The following COL5A1 variants were observed in gnomAD, a reference collection of about 807,000 sequenced individuals.
COL5A1 encodes the protein collagen alpha-1(V) chain.
A neutral mutation model predicts 263.7 loss-of-function variants in COL5A1; 16 were observed. The observed-to-expected ratio is 0.06, with a 90% confidence interval of 0.04 to 0.09. COL5A1 has a LOEUF of 0.09. Ranked by LOEUF, COL5A1 falls within the 10% of genes least tolerant of loss-of-function variation. The pLI is 1.00. For synonymous variants in COL5A1, 1,012 were observed against 1,004.5 expected (o/e 1.01, Z -0.14); for missense variants, 2,036 against 2,540.5 (o/e 0.80, Z 4.27).
Position 134,789,224 on chromosome 9 carries a change from C to A in COL5A1, c.2700+16C>A. 1.2e-6 allele frequency: 2 copies of A among 1,611,200 alleles called. No individual in the cohort carries two copies. The highest frequency in any genetic ancestry group is 1.7e-6 in the Non-Finnish European group (2 of 1,178,778). On this transcript the variant is annotated intron_variant, in intron 32 of 65. Transcript: ENST00000371817. This position sits in a 1 kb window ranked among gnomAD's most constrained non-coding sequence, Gnocchi z 4.8. ...GGGCGGCAGGGTAAGGATAGCCTGG[C>A]CCCTGGGCAGGCAGCTTGTTCGGCT...
chr9:134,748,122 T>G (rs1170068417), intron 11 of COL5A1, among the ~76,000 whole-genome samples: 1 of 148,044 alleles, frequency 6.8e-6, no homozygotes, highest in Non-Finnish European at 1.5e-5. Context: ...TACACAGACA[T>G]GCATCCACAC....
At position 134,842,222 on chromosome 9, in the gene COL5A1, C is replaced by T. The variant is rs140744620; in HGVS notation, c.5436C>T (p.Ile1812=). ...CCCCCAAAGTGGAGCAGGTGCCCAT[C>T]GTGGACATCATGTTCAATGACTTCG... The part of the protein sequence containing the change: ...IDTPKVEQVP[I]VDIMFNDFGE... The change falls in exon 66 of 66, where the codon ATC becomes ATT. Residue 1812 remains isoleucine (I), a synonymous_variant. Coordinates refer to ENST00000371817, the MANE Select transcript of COL5A1 (RefSeq NM_000093.5). The surrounding 1 kb of genome is among the most constrained non-coding windows in gnomAD (Gnocchi z 5.8). 20 of 1,614,088 alleles carry T rather than the reference C, an allele frequency of 1.2e-5. No homozygotes were observed. The highest frequency in any genetic ancestry group is 4.0e-5 in the African/African-American group (3 of 74,928).
At chr9:134,702,925 G>A (rs951552271) in intron 4 of COL5A1, among the ~76,000 whole-genome samples, 1 of 152,254 alleles carries the variant, frequency 6.6e-6, no homozygotes, top group Non-Finnish European at 1.5e-5. Flanking sequence ...GCAGCGCACT[G>A]TCTCCCTTAT....
At chr9:134,692,791 C>T (rs1273537021) in intron 2 of COL5A1, among the ~76,000 whole-genome samples, 1 of 152,134 alleles carries the variant, frequency 6.6e-6, no homozygotes, top group Non-Finnish European at 1.5e-5. Context: ...AATCTAGGAT[C>T]AGCTGGGCGC....
At chr9:134,685,452 C>A (rs1416894576) in intron 1 of COL5A1, among the ~76,000 whole-genome samples, 1 of 15,626 alleles carries the variant, frequency 6.4e-5, no homozygotes, top group African/African-American at 2.0e-4. Flanking sequence ...TGTCCATCAT[C>A]CATCCATCCA....
At chr9:134,793,662 G>A (rs1164048518) in intron 32 of COL5A1, among the ~76,000 whole-genome samples, 2 of 152,134 alleles carry the variant, frequency 1.3e-5, no homozygotes, top group African/African-American at 4.8e-5. Flanking sequence ...GGGAGGATGG[G>A]AATGAGTAAA....
At chr9:134,778,751 C>T (rs766456862) in intron 27 of COL5A1, among the ~76,000 whole-genome samples, 6 of 152,252 alleles carry the variant, frequency 3.9e-5, no homozygotes, top group Admixed American at 6.5e-5. Flanking sequence ...GCAGACATGA[C>T]TTCAGCAATG....
rs754237329 is a variant in COL5A1, at chr9:134,815,898, C to G, written c.4069-37C>G. On this transcript the variant is annotated intron_variant, in intron 51 of 65. Coordinates refer to ENST00000371817, the MANE Select transcript of COL5A1 (RefSeq NM_000093.5). Reference sequence around the variant, plus strand: ...CTGGTGCATGAACTCAGGGTGCCATCCGGGGTTCAGCAAGGAGCTCGCTTT... The same window carrying G: ...CTGGTGCATGAACTCAGGGTGCCATGCGGGGTTCAGCAAGGAGCTCGCTTT... 3.1e-6 allele frequency: 5 copies of G among 1,612,854 alleles called. No individual in the cohort carries two copies. In the African/African-American group the frequency reaches 6.7e-5, roughly 22 times the overall value.
At chr9:134,753,517 C>A (rs897393690) in intron 14 of COL5A1, among the ~76,000 whole-genome samples, 2 of 152,326 alleles carry the variant, frequency 1.3e-5, no homozygotes, top group East Asian at 1.9e-4. Context: ...CAGGTGCATA[C>A]GCTGCTCGAA....
intron 29 of COL5A1, among the ~76,000 whole-genome samples, chr9:134,783,900 T>A (rs1837356447): frequency 6.6e-6 from 1 of 152,222 alleles, no homozygotes; most frequent in African/African-American, 2.4e-5. Flanking sequence ...AAAGTCCTTT[T>A]CTCCTCCTTT....
At position 134,818,496 on chromosome 9, in the gene COL5A1, G is replaced by C. The variant is rs889536488; in HGVS notation, c.4231-160G>C. On this transcript the variant is annotated intron_variant, in intron 54 of 65. Transcript: ENST00000371817. This position sits in a 1 kb window ranked among gnomAD's most constrained non-coding sequence, Gnocchi z 6.0. ...TCGGGATGGAGACTTGACCAGGGCA[G>C]CTTCCACAGGCAATGAAATGTGGAG... is the stretch of plus-strand genomic sequence containing the variant. Among the ~76,000 whole-genome samples the C allele has an allele frequency of 1.3e-5, 2 of 152,198 alleles. No homozygotes were observed. The highest frequency in any genetic ancestry group is 2.9e-5 in the Non-Finnish European group (2 of 68,038).
intron 37 of COL5A1, among the ~76,000 whole-genome samples, chr9:134,799,403 G>A (rs972166794): frequency 6.6e-6 from 1 of 152,194 alleles, no homozygotes; most frequent in Non-Finnish European, 1.5e-5. Flanking sequence ...TCGTCACCAC[G>A]CTGTGTTCCT....
rs1031799121 is a variant in COL5A1, at chr9:134,818,439, G to A, written c.4231-217G>A. 2.6e-5 allele frequency among the ~76,000 whole-genome samples: 4 copies of A among 152,210 alleles called. No individual in the cohort carries two copies. Among genetic ancestry groups the A allele is most frequent in the South Asian group, 2.1e-4 (1 of 4,832 alleles). The stretch of plus-strand genomic sequence containing the variant: ...CCGGTCTGTGGTCGGCGCAGTCAGC[G>A]GAGACGGGATCCCTGCTGGCCTGGG... On this transcript the variant is annotated intron_variant, in intron 54 of 65. Coordinates refer to ENST00000371817, the MANE Select transcript of COL5A1 (RefSeq NM_000093.5). This position sits in a 1 kb window ranked among gnomAD's most constrained non-coding sequence, Gnocchi z 6.0.
intron 63 of COL5A1, among the ~76,000 whole-genome samples, chr9:134,828,676 C>CCACA (rs1210599938): frequency 3.9e-5 from 6 of 151,926 alleles, no homozygotes; most frequent in South Asian, 4.2e-4. Context: ...CCATAATGCG[C>CCACA]CATACACACC....
At chr9:134,660,514 C>A (rs1185730255) in intron 1 of COL5A1, among the ~76,000 whole-genome samples, 1 of 152,210 alleles carries the variant, frequency 6.6e-6, no homozygotes, top group South Asian at 2.1e-4. Context: ...ACAGTGGTAA[C>A]CCAAAGCCCT....
chr9:134,778,025 A>G (rs534473214), intron 27 of COL5A1, among the ~76,000 whole-genome samples: 1 of 152,338 alleles, frequency 6.6e-6, no homozygotes, highest in East Asian at 1.9e-4. Flanking sequence ...AACTGCCCTA[A>G]GAAAAGAAAG....
intron 38 of COL5A1, among the ~76,000 whole-genome samples, chr9:134,802,486 C>T (rs781356287): frequency 2.6e-5 from 4 of 152,212 alleles, no homozygotes; most frequent in African/African-American, 7.2e-5. Flanking sequence ...CCTCATGTAG[C>T]GGTGAGTAAG....
At chr9:134,746,209 C>T (rs780336881) in intron 11 of COL5A1, among the ~76,000 whole-genome samples, 10 of 152,172 alleles carry the variant, frequency 6.6e-5, no homozygotes, top group African/African-American at 1.2e-4. Context: ...CAGCCACTCC[C>T]GAGCTGGGCC....
chr9:134,803,537 A>G (rs1243752922), intron 39 of COL5A1, among the ~76,000 whole-genome samples: 4 of 152,178 alleles, frequency 2.6e-5, no homozygotes, highest in Non-Finnish European at 1.5e-5. Flanking sequence ...TGGGAGGCTG[A>G]GGCAGGAGAA....
Sources: allele counts gnomAD v4.1 joint callset (sites outside exome capture counted in the v4.1 genomes callset), GRCh38; gene constraint gnomAD v4.1.1; non-coding constraint Gnocchi (gnomAD v3.1); transcripts MANE v1.5; gene names NCBI Gene and HGNC (gene_info 2026-07-23, HGNC 2026-07-21).